COL24A1: variants seen among roughly 807,000 people sequenced by gnomAD.
COL24A1 encodes collagen alpha-1(XXIV) chain.
Under a neutral mutation model 253.9 loss-of-function variants are expected in COL24A1, and 224 were observed. The observed-to-expected ratio is 0.88, with a 90% CI of 0.79 to 0.99. COL24A1 has a LOEUF of 0.99. Ranked by LOEUF, COL24A1 falls within the 50% of genes least tolerant of loss-of-function variation. COL24A1 has a pLI of 0.00. For missense variants in COL24A1, 2,131 were observed against 2,068.5 expected (o/e 1.03, Z -0.59); for synonymous variants, 685 against 673.7 (o/e 1.02, Z -0.26).
chr1:85,887,195 TAA>T (rs1292928844), intron 32 of COL24A1, among the ~76,000 whole-genome samples: 1 of 152,210 alleles, frequency 6.6e-6, no homozygotes, highest in African/African-American at 2.4e-5. Flanking sequence ...GTTCCCTCTT[TAA>T]AGTCAGTTTT....
intron 22 of COL24A1, 85 bp downstream of exon 22, chr1:85,970,141 TG>T: frequency 8.2e-7 from 1 of 1,213,150 alleles, no homozygotes; most frequent in Non-Finnish European, 1.1e-6. Flanking sequence ...TTTACTATAA[TG>T]TAAAATGTTA....
At chr1:86,068,374 G>A (rs1427863536) in intron 7 of COL24A1, among the ~76,000 whole-genome samples, 4 of 152,204 alleles carry the variant, frequency 2.6e-5, no homozygotes, top group Non-Finnish European at 5.9e-5. Flanking sequence ...CCCAGTGACT[G>A]GGAAACTTTA....
intron 7 of COL24A1, among the ~76,000 whole-genome samples, chr1:86,087,691 A>G (rs1464284031): frequency 2.0e-5 from 3 of 152,228 alleles, no homozygotes; most frequent in African/African-American, 7.2e-5. Context: ...CCATATTATG[A>G]GGTCTTCTTT....
chr1:86,010,495 T>C (rs1696390469), intron 19 of COL24A1, among the ~76,000 whole-genome samples: 1 of 152,138 alleles, frequency 6.6e-6, no homozygotes, highest in African/African-American at 2.4e-5. Context: ...AAAAATGTCA[T>C]AATTAGAGAA....
At chr1:85,824,358 C>T (rs2101998472) in intron 43 of COL24A1, among the ~76,000 whole-genome samples, 1 of 152,334 alleles carries the variant, frequency 6.6e-6, no homozygotes, top group East Asian at 1.9e-4. Flanking sequence ...AATTACATAT[C>T]TATTGTTGTA....
At chr1:86,092,229 T>A (rs1425736271) in intron 6 of COL24A1, 38 bp downstream of exon 6, 1 of 1,462,462 alleles carries the variant, frequency 6.8e-7, no homozygotes, top group Non-Finnish European at 9.4e-7. Flanking sequence ...ATGCTTGAAA[T>A]ATATTACCAT....
chr1:86,000,575 G>A (rs998985875), intron 19 of COL24A1, among the ~76,000 whole-genome samples: 1 of 152,142 alleles, frequency 6.6e-6, no homozygotes, highest in African/African-American at 2.4e-5. Context: ...AATTAATACA[G>A]CTGGCCACAG....
intron 5 of COL24A1, among the ~76,000 whole-genome samples, chr1:86,106,666 A>C (rs997290399): frequency 3.3e-5 from 5 of 152,222 alleles, no homozygotes; most frequent in Non-Finnish European, 7.3e-5. Flanking sequence ...TTCATTTAAT[A>C]GATAAATATG....
intron 47 of COL24A1, among the ~76,000 whole-genome samples, chr1:85,809,348 A>T (rs991094378): frequency 6.6e-6 from 1 of 152,150 alleles, no homozygotes; most frequent in Non-Finnish European, 1.5e-5. Flanking sequence ...GGTTAATTTT[A>T]AGGTGGGACT....
chr1:85,978,549 C>T (rs1242386963), intron 20 of COL24A1, among the ~76,000 whole-genome samples: 1 of 151,344 alleles, frequency 6.6e-6, no homozygotes, highest in Non-Finnish European at 1.5e-5. Context: ...CAAATGGAAA[C>T]CAAAAGCAAG....
At chr1:85,852,634 T>A (rs1054085075) in intron 37 of COL24A1, among the ~76,000 whole-genome samples, 10 of 152,202 alleles carry the variant, frequency 6.6e-5, no homozygotes, top group Admixed American at 2.6e-4. Flanking sequence ...TTTATTTAGT[T>A]CTTTAATAAA....
At chr1:86,100,974 T>C (rs998673017) in intron 5 of COL24A1, among the ~76,000 whole-genome samples, 2 of 152,078 alleles carry the variant, frequency 1.3e-5, no homozygotes, top group African/African-American at 2.4e-5. Flanking sequence ...TAAACCATTC[T>C]AGTAAAATAT....
At chr1:86,060,167 G>C (rs2101754199) in intron 8 of COL24A1, among the ~76,000 whole-genome samples, 1 of 152,182 alleles carries the variant, frequency 6.6e-6, no homozygotes, top group Admixed American at 6.5e-5. Flanking sequence ...GGGTGAAAAA[G>C]TGAGACAAAA....
chr1:86,104,798 T>C (rs1205708465), intron 5 of COL24A1, among the ~76,000 whole-genome samples: 1 of 152,170 alleles, frequency 6.6e-6, no homozygotes, highest in African/African-American at 2.4e-5. Flanking sequence ...TTCCAATGGG[T>C]AGTGCTAGCC....
intron 42 of COL24A1, among the ~76,000 whole-genome samples, chr1:85,839,974 GATTT>G (rs1242220222): frequency 6.6e-6 from 1 of 152,026 alleles, no homozygotes; most frequent in Non-Finnish European, 1.5e-5. Context: ...AAAAGCATAG[GATTT>G]ATTATAGAGC....
At chr1:85,778,548 C>CTT (rs1381766765) in intron 52 of COL24A1, among the ~76,000 whole-genome samples, 1 of 151,224 alleles carries the variant, frequency 6.6e-6, no homozygotes, top group African/African-American at 2.4e-5. Context: ...ACTTTCTGTT[C>CTT]TTTTACAGGT....
intron 19 of COL24A1, among the ~76,000 whole-genome samples, chr1:85,993,007 A>G (rs1372583687): frequency 1.3e-5 from 2 of 152,122 alleles, no homozygotes; most frequent in Admixed American, 6.6e-5. Context: ...GTGACTCAGC[A>G]TTCTCTCCAG....
intron 32 of COL24A1, among the ~76,000 whole-genome samples, chr1:85,884,579 T>A (rs1415173090): frequency 6.6e-6 from 1 of 152,038 alleles, no homozygotes; most frequent in Admixed American, 6.6e-5. Context: ...TTTTAGTGAG[T>A]CTGAATTGGA....
chr1:85,743,135 T>C (rs550779441), intron 57 of COL24A1, among the ~76,000 whole-genome samples: 212 of 152,320 alleles, frequency 1.4e-3, no homozygotes, highest in African/African-American at 4.6e-3. Flanking sequence ...CAATTTCCAA[T>C]GGCTTCCCAT....
Sources: gnomAD v4.1 joint callset for allele counts (sites outside exome capture counted in the v4.1 genomes callset) on GRCh38, gnomAD v4.1.1 for gene constraint, MANE v1.5 for transcripts, NCBI Gene and HGNC (gene_info 2026-07-23, HGNC 2026-07-21) for gene names.